The following PKHD1 variants were observed in gnomAD, a reference collection of about 807,000 sequenced individuals.
PKHD1 encodes PKHD1 ciliary IPT domain containing fibrocystin/polyductin, also known as fibrocystin.
A neutral mutation model predicts 412.0 loss-of-function variants in PKHD1; 291 were observed. That is an observed-to-expected ratio of 0.71 (90% CI 0.64 to 0.78). The LOEUF (loss-of-function observed/expected upper bound fraction) is 0.78, where lower values mean the gene tolerates loss of function less well. Among genes scored for constraint, PKHD1 ranks in the 30% least tolerant of loss-of-function variants. The pLI is 0.00. For missense variants in PKHD1, 4,825 were observed against 4,950.7 expected (o/e 0.97, Z 0.76); for synonymous variants, 1,777 against 1,821.5 (o/e 0.98, Z 0.62).
In PKHD1 at chr6:51,870,601, T is replaced by C. The variant is rs745756086; in HGVS notation, c.7389A>G (p.Lys2463=). The change falls in exon 47 of 67, where the codon AAA becomes AAG. Residue 2463 remains lysine (K), a synonymous_variant. Coordinates refer to ENST00000371117, the MANE Select transcript of PKHD1 (RefSeq NM_138694.4). ...LCMSSGIKTP[K]RWELMVSNTT... ...TGTTAGACACCATCAGTTCCCATCT[T>C]TTAGGAGTTTTAATCCCAGATGACA... The C allele has an allele frequency of 6.2e-7, 1 of 1,609,658 alleles. No individual in the cohort carries two copies. Among genetic ancestry groups the C allele is most frequent in the Middle Eastern group, 1.7e-4 (1 of 6,052 alleles).
intron 60 of PKHD1, among the ~76,000 whole-genome samples, chr6:51,723,268 T>C (rs777419787): frequency 6.6e-6 from 1 of 152,180 alleles, no homozygotes; most frequent in Admixed American, 6.6e-5. Context: ...GGAAAGACTG[T>C]AGTGATGAGT....
At chr6:51,843,100 G>A (rs995489606) in intron 50 of PKHD1, among the ~76,000 whole-genome samples, 2 of 152,146 alleles carry the variant, frequency 1.3e-5, no homozygotes, top group South Asian at 2.1e-4. Flanking sequence ...TTGATTGAAG[G>A]GTGGCGGCTG....
chr6:51,801,327 T>C (rs1582773035), intron 52 of PKHD1, among the ~76,000 whole-genome samples: 1 of 152,204 alleles, frequency 6.6e-6, no homozygotes, highest in East Asian at 1.9e-4. Flanking sequence ...AGTAGACTAA[T>C]TTACTGAGAT....
At position 51,638,840 on chromosome 6, in the gene PKHD1, T is replaced by TA; in HGVS notation, c.11506+8dup. ...AAACACAGAATAAAAGCACACTGTATAAAATTACCTGGAGGAGAAGTGACA... is the reference window on the plus strand; with the variant it reads ...AAACACAGAATAAAAGCACACTGTATAAAAATTACCTGGAGGAGAAGTGACA... On this transcript the variant is annotated intron_variant, in intron 64 of 66. Transcript: ENST00000371117. 2 of 1,440,822 alleles carry TA rather than the reference T, an allele frequency of 1.4e-6. No individual in the cohort carries two copies. The highest frequency in any genetic ancestry group is 9.7e-7 in the Non-Finnish European group (1 of 1,028,364). 89.3% of individuals were successfully genotyped at this position (1,440,822 alleles called of 1,614,324 possible).
chr6:51,918,917 C>T (rs113091441), intron 37 of PKHD1, among the ~76,000 whole-genome samples: 8,128 of 152,140 alleles, frequency 0.053, 437 homozygotes, highest in African/African-American at 0.13. Context: ...GTTTGTTGAT[C>T]GCATAAATAT....
chr6:51,824,346 T>C (rs890791523), intron 52 of PKHD1, among the ~76,000 whole-genome samples: 2 of 152,180 alleles, frequency 1.3e-5, no homozygotes, highest in African/African-American at 4.8e-5. Flanking sequence ...TTAAATGATT[T>C]GATATATGAA....
At chr6:51,752,642 G>T (rs1200584688) in intron 57 of PKHD1, among the ~76,000 whole-genome samples, 2 of 152,128 alleles carry the variant, frequency 1.3e-5, no homozygotes, top group African/African-American at 4.8e-5. Flanking sequence ...CAAACTATTT[G>T]ATCAGGAAAG....
intron 52 of PKHD1, among the ~76,000 whole-genome samples, chr6:51,817,046 C>T (rs1471392980): frequency 6.7e-6 from 1 of 148,886 alleles, no homozygotes; most frequent in African/African-American, 2.5e-5. Flanking sequence ...ACGTTTTATC[C>T]GAGGAGCAAG....
intron 49 of PKHD1, among the ~76,000 whole-genome samples, chr6:51,852,409 T>C (rs1307650643): frequency 6.6e-6 from 1 of 152,228 alleles, no homozygotes. Context: ...TGCAGACGTC[T>C]ACTAGGTCCA....
intron 37 of PKHD1, among the ~76,000 whole-genome samples, chr6:51,924,352 G>A (rs950658355): frequency 6.6e-6 from 1 of 152,180 alleles, no homozygotes; most frequent in Admixed American, 6.5e-5. Context: ...ACTGAAGCAT[G>A]AGGGTGGCCA....
chr6:52,001,768 C>A (rs1006976321), intron 35 of PKHD1, among the ~76,000 whole-genome samples: 2 of 152,084 alleles, frequency 1.3e-5, no homozygotes, highest in East Asian at 3.9e-4. Context: ...CAGCAAGAAA[C>A]AGAGGTATGC....
chr6:51,638,736 T>G (rs1179191210), intron 64 of PKHD1, 113 bp downstream of exon 64: 1 of 741,474 alleles, frequency 1.3e-6, no homozygotes, highest in East Asian at 2.5e-5. Context: ...TTTTCTAAAC[T>G]ATGATGACCT....
chr6:52,019,262 C>T (rs573771499), intron 33 of PKHD1, among the ~76,000 whole-genome samples: 32 of 152,332 alleles, frequency 2.1e-4, no homozygotes, highest in African/African-American at 5.3e-4. Context: ...ACCTGTGCTT[C>T]CCCGCCTCAT....
chr6:51,971,889 C>T (rs943493845), intron 35 of PKHD1, among the ~76,000 whole-genome samples: 5 of 152,020 alleles, frequency 3.3e-5, no homozygotes, highest in African/African-American at 9.7e-5. Flanking sequence ...CACCACCACA[C>T]CCAGCTAATT....
intron 35 of PKHD1, 72 bp from the exon 36 acceptor site, chr6:51,960,098 G>T: frequency 6.8e-7 from 1 of 1,477,726 alleles, no homozygotes; most frequent in Non-Finnish European, 9.4e-7. Flanking sequence ...TGGTTGGTTC[G>T]CTGGTTTGTT....
At chr6:52,011,400 T>C (rs1282994059) in intron 34 of PKHD1, among the ~76,000 whole-genome samples, 1 of 152,214 alleles carries the variant, frequency 6.6e-6, no homozygotes, top group Non-Finnish European at 1.5e-5. Context: ...GCCTATAAAT[T>C]AGGAAGAGGT....
chr6:51,699,250 A>C (rs1302388235), intron 60 of PKHD1, among the ~76,000 whole-genome samples: 1 of 152,112 alleles, frequency 6.6e-6, no homozygotes, highest in Non-Finnish European at 1.5e-5. Context: ...TACCCTCACC[A>C]CACCCATATC....
chr6:52,031,970 A>G (rs1803120956), intron 29 of PKHD1, among the ~76,000 whole-genome samples: 1 of 152,222 alleles, frequency 6.6e-6, no homozygotes, highest in South Asian at 2.1e-4. Context: ...ATTACAGATA[A>G]GAAATTTTAT....
intron 35 of PKHD1, among the ~76,000 whole-genome samples, chr6:51,964,260 C>G (rs1369424978): frequency 6.6e-6 from 1 of 152,036 alleles, no homozygotes; most frequent in Admixed American, 6.6e-5. Context: ...CCCGGCAAAG[C>G]AAAGACCTAT....
Sources: gnomAD v4.1 joint callset for allele counts (sites outside exome capture counted in the v4.1 genomes callset) on GRCh38, gnomAD v4.1.1 for gene constraint, MANE v1.5 for transcripts, NCBI Gene and HGNC (gene_info 2026-07-23, HGNC 2026-07-21) for gene names.